The following PLCG2 variants were observed in gnomAD, a reference collection of about 807,000 sequenced individuals.
PLCG2 encodes 1-phosphatidylinositol 4,5-bisphosphate phosphodiesterase gamma-2.
Under a neutral mutation model 175.6 loss-of-function variants are expected in PLCG2, and 69 were observed. The observed-to-expected ratio is 0.39, with a 90% CI of 0.32 to 0.48. The LOEUF (loss-of-function observed/expected upper bound fraction) is 0.48. Among genes scored for constraint, PLCG2 ranks in the 20% least tolerant of loss-of-function variants. PLCG2 has a pLI of 0.91. For synonymous variants in PLCG2, 827 were observed against 624.0 expected, an observed-to-expected ratio of 1.33 and a Z score of -4.85; for missense variants, 1,798 against 1,650.9, an observed-to-expected ratio of 1.09 and a Z score of -1.54.
intron 27 of PLCG2, among the ~76,000 whole-genome samples, chr16:81,937,035 T>C (rs536940772): frequency 1.3e-5 from 2 of 152,316 alleles, no homozygotes; most frequent in East Asian, 3.9e-4. Context: ...TAGGAATATG[T>C]CTATGGGACA....
At chr16:81,747,439 G>T (rs1811211583) in intron 1 of PLCG2, among the ~76,000 whole-genome samples, 1 of 152,154 alleles carries the variant, frequency 6.6e-6, no homozygotes, top group Non-Finnish European at 1.5e-5. Context: ...GGACACTGAG[G>T]CACAAGAATT....
intron 1 of PLCG2, among the ~76,000 whole-genome samples, chr16:81,752,049 A>T (rs935334797): frequency 1.9e-4 from 29 of 151,144 alleles, no homozygotes; most frequent in Non-Finnish European, 3.7e-4. Flanking sequence ...AAAATATAAT[A>T]TATGTATATA....
At position 81,845,635 on chromosome 16, in the gene PLCG2, C is replaced by T. The variant is rs527777388; in HGVS notation, c.194-8809C>T. On this transcript the variant is annotated intron_variant, in intron 2 of 32. Coordinates refer to ENST00000564138, the MANE Select transcript of PLCG2 (RefSeq NM_002661.5). ...TGCACTAGAATCTTGTTCCCAGCCT[C>T]GGGTCAGAAAGGTGGCTTGAATGCA... Among the ~76,000 whole-genome samples, 8 of 152,328 alleles carry T rather than the reference C, an allele frequency of 5.3e-5. No individual in the cohort carries two copies. In the South Asian group the frequency reaches 8.3e-4, roughly 16 times the overall value.
At chr16:81,752,408 C>G (rs946747335) in intron 1 of PLCG2, among the ~76,000 whole-genome samples, 2 of 152,210 alleles carry the variant, frequency 1.3e-5, no homozygotes, top group African/African-American at 2.4e-5. Flanking sequence ...TTAAGGCTCT[C>G]TCTTGCTGGC....
intron 5 of PLCG2, among the ~76,000 whole-genome samples, chr16:81,862,576 A>G (rs975167602): frequency 6.6e-6 from 1 of 151,944 alleles, no homozygotes; most frequent in African/African-American, 2.4e-5. Flanking sequence ...TTCTTTTTTT[A>G]AATGTGCTAC....
At chr16:81,770,144 G>A (rs1224711447) in intron 2 of PLCG2, among the ~76,000 whole-genome samples, 1 of 152,014 alleles carries the variant, frequency 6.6e-6, no homozygotes, top group Non-Finnish European at 1.5e-5. Context: ...TAACAACGCA[G>A]AGAAGTGTAC....
intron 2 of PLCG2, among the ~76,000 whole-genome samples, chr16:81,823,714 G>C (rs1904909487): frequency 7.0e-6 from 1 of 142,698 alleles, no homozygotes; most frequent in Non-Finnish European, 1.5e-5. Flanking sequence ...TTTCCCTGTA[G>C]AGACAGGGTC....
intron 19 of PLCG2, among the ~76,000 whole-genome samples, chr16:81,917,578 C>G (rs1175580882): frequency 6.6e-6 from 1 of 152,210 alleles, no homozygotes; most frequent in Non-Finnish European, 1.5e-5. Flanking sequence ...AATAGCCATT[C>G]TAACAGGTGT....
rs771121259 is a variant in PLCG2, at chr16:81,858,338, C to T, written c.413C>T (p.Thr138Met). The change falls in exon 4 of 33, where the codon ACG becomes ATG. Residue 138 changes from threonine (T) to methionine (M), a missense_variant. By Grantham distance (81) the Thr-to-Met change is moderately conservative (BLOSUM62 -1). Transcript: ENST00000564138. Reference sequence around the variant, plus strand: ...CACCAGGAAGCGATGAATGCGTCCACGCCCACCATTATCGAGAGGTAGTTG... The same window carrying T: ...CACCAGGAAGCGATGAATGCGTCCATGCCCACCATTATCGAGAGGTAGTTG... ...ILHQEAMNAS[T>M]PTIIESWLRK... 29 of 1,612,996 alleles carry T rather than the reference C, an allele frequency of 1.8e-5. No individual in the cohort carries two copies. The highest frequency in any genetic ancestry group is 4.5e-5 in the East Asian group (2 of 44,902).
chr16:81,912,984 G>A (rs541407171), intron 19 of PLCG2, among the ~76,000 whole-genome samples: 17 of 152,324 alleles, frequency 1.1e-4, no homozygotes, highest in African/African-American at 3.1e-4. Flanking sequence ...ACCATGATCC[G>A]TGTTTCTCAG....
At chr16:81,844,755 A>C (rs1906024505) in intron 2 of PLCG2, among the ~76,000 whole-genome samples, 1 of 152,262 alleles carries the variant, frequency 6.6e-6, no homozygotes, top group South Asian at 2.1e-4. Context: ...GAGAATTTGC[A>C]TAGTGATGGA....
At chr16:81,764,771 T>C (rs1910109866) in intron 2 of PLCG2, among the ~76,000 whole-genome samples, 2 of 152,178 alleles carry the variant, frequency 1.3e-5, no homozygotes, top group African/African-American at 4.8e-5. Flanking sequence ...AGTTAATATG[T>C]GGTCATACTG....
At position 81,959,289 on chromosome 16, in the gene PLCG2, C is replaced by T. The variant is rs1470858746; in HGVS notation, c.*1291C>T. 1 of 224,064 alleles carries T rather than the reference C, an allele frequency of 4.5e-6. No individual in the cohort carries two copies. The highest frequency in any genetic ancestry group is 8.9e-6 in the Non-Finnish European group (1 of 112,374). The allele number at this position is 224,064 out of a possible 1,614,324, so 13.9% of individuals were successfully genotyped here. A position where few individuals can be genotyped will look rare whatever the true frequency, so the allele number is the denominator to read the frequency against. On this transcript the variant is annotated 3_prime_UTR_variant, in exon 33 of 33. Transcript: ENST00000564138. ...GGCCCCTAGAAACCCATCTGACCCTCCTCTTGTTACCCGAAATGCTGGGCT... is the reference window on the plus strand; with the variant it reads ...GGCCCCTAGAAACCCATCTGACCCTTCTCTTGTTACCCGAAATGCTGGGCT...
chr16:81,790,440 C>T (rs1165796554), intron 2 of PLCG2, among the ~76,000 whole-genome samples: 6 of 152,182 alleles, frequency 3.9e-5, no homozygotes, highest in Non-Finnish European at 7.3e-5. Context: ...TCCCTCACAC[C>T]TTGAGAGAGC....
intron 2 of PLCG2, among the ~76,000 whole-genome samples, chr16:81,823,548 C>T (rs776526674): frequency 2.6e-5 from 4 of 152,164 alleles, no homozygotes; most frequent in East Asian, 1.9e-4. Context: ...TTTTAAGAGA[C>T]AGGATCTGGC....
intron 3 of PLCG2, among the ~76,000 whole-genome samples, chr16:81,855,154 C>G (rs1341960548): frequency 6.7e-6 from 1 of 150,368 alleles, no homozygotes; most frequent in African/African-American, 2.4e-5. Flanking sequence ...GATTGCATCA[C>G]TCCCCTACAG....
chr16:81,743,918 G>A (rs543080102), intron 1 of PLCG2, among the ~76,000 whole-genome samples: 3 of 151,826 alleles, frequency 2.0e-5, no homozygotes, highest in South Asian at 4.2e-4. Flanking sequence ...GAGTGCAGTG[G>A]TACGATCTTG....
In PLCG2 at chr16:81,938,712, A is replaced by C. The variant is rs568568922; in HGVS notation, c.3199-89A>C. ...ATTAGGGCTGGCATTGAACTCATCC[A>C]GTGTCACTCTAGAACCCAGCTGCAA... On this transcript the variant is annotated intron_variant, in intron 28 of 32. Transcript: ENST00000564138. 2.9e-4 allele frequency: 207 copies of C among 721,852 alleles called. No individual in the cohort carries two copies. In the African/African-American group the frequency reaches 3.3e-3, roughly 12 times the overall value. 44.7% of individuals were successfully genotyped at this position (721,852 alleles called of 1,614,324 possible).
chr16:81,909,610 T>A lies in PLCG2; in HGVS notation c.1734-910T>A, dbSNP rs1399979315. On this transcript the variant is annotated intron_variant, in intron 17 of 32. Coordinates refer to ENST00000564138, the MANE Select transcript of PLCG2 (RefSeq NM_002661.5). ...TTTTAAATTTTTTGTAGAGCTGGAG[T>A]CTCACTACGTTGCCCAGGCTGGTTT... 4.2e-4 allele frequency among the ~76,000 whole-genome samples: 64 copies of A among 152,178 alleles called. 1 individual carries two copies. Among genetic ancestry groups the A allele is most frequent in the Non-Finnish European group, 4.4e-5 (3 of 68,022 alleles).
Sources: allele counts gnomAD v4.1 joint callset (sites outside exome capture counted in the v4.1 genomes callset), GRCh38; gene constraint gnomAD v4.1.1; transcripts MANE v1.5; gene names NCBI Gene and HGNC (gene_info 2026-07-23, HGNC 2026-07-21).